The following GRM4 variants were observed in gnomAD, a reference collection of about 807,000 sequenced individuals.
GRM4 encodes the protein metabotropic glutamate receptor 4.
GRM4 carries 28 observed loss-of-function variants against 81.7 expected under a neutral mutation model. The ratio of observed to expected loss-of-function variants is 0.34; its 90% CI spans 0.25 to 0.47. The LOEUF (loss-of-function observed/expected upper bound fraction) is 0.47. Among genes scored for constraint, GRM4 ranks in the 20% least tolerant of loss-of-function variants. The pLI is 1.00. For missense variants in GRM4, 948 were observed against 1,290.0 expected, an observed-to-expected ratio of 0.73 and a Z score of 4.06; for synonymous variants, 488 against 528.8, an observed-to-expected ratio of 0.92 and a Z score of 1.06.
At chr6:34,110,266 C>CCTGGGTGAAA (rs1405029781) in intron 2 of GRM4, among the ~76,000 whole-genome samples, 1 of 143,726 alleles carries the variant, frequency 7.0e-6, no homozygotes, top group South Asian at 2.2e-4. Context: ...TGCACTATAG[C>CCTGGGTGAAA]CTGGGTGAAA....
intron 10 of GRM4, among the ~76,000 whole-genome samples, chr6:34,023,375 A>G (rs1007788326): frequency 6.6e-6 from 1 of 152,244 alleles, no homozygotes; most frequent in African/African-American, 2.4e-5. Context: ...CATGTAAGGA[A>G]TATACATTAA....
upstream of GRM4, among the ~76,000 whole-genome samples, chr6:34,146,980 T>G (rs1246614145): frequency 6.6e-6 from 1 of 151,636 alleles, no homozygotes; most frequent in Non-Finnish European, 1.5e-5. Flanking sequence ...CTCCAGACTA[T>G]GCTAGGCCAA....
chr6:34,044,427 CACAG>C (rs1274285413), intron 6 of GRM4, among the ~76,000 whole-genome samples: 5 of 150,496 alleles, frequency 3.3e-5, no homozygotes, highest in Admixed American at 6.6e-5. Flanking sequence ...CACACATACA[CACAG>C]ACATACATAC....
At chr6:34,129,262 G>A (rs561068986) in intron 2 of GRM4, among the ~76,000 whole-genome samples, 14 of 152,186 alleles carry the variant, frequency 9.2e-5, no homozygotes, top group East Asian at 3.9e-4. Context: ...TGATCCACCC[G>A]CGTTGGCCTC....
chr6:34,071,473 CACAA>C (rs1766840571), intron 3 of GRM4, among the ~76,000 whole-genome samples: 3 of 91,378 alleles, frequency 3.3e-5, no homozygotes, highest in African/African-American at 1.3e-4. Flanking sequence ...AGATACACAC[CACAA>C]ACACACACAC....
chr6:34,095,568 G>C (rs1768474730), intron 2 of GRM4, among the ~76,000 whole-genome samples: 1 of 152,350 alleles, frequency 6.6e-6, no homozygotes, highest in African/African-American at 2.4e-5. Context: ...AAAGCACTCA[G>C]AACAGTGCCT....
intron 1 of GRM4, among the ~76,000 whole-genome samples, chr6:34,144,481 C>A (rs537514969): frequency 6.6e-6 from 1 of 152,326 alleles, no homozygotes; most frequent in East Asian, 1.9e-4. Context: ...GAGAGCCTGA[C>A]CCTGAAGTCC....
At chr6:34,052,144 A>G (rs1282749882) in intron 6 of GRM4, among the ~76,000 whole-genome samples, 2 of 152,116 alleles carry the variant, frequency 1.3e-5, no homozygotes, top group African/African-American at 2.4e-5. Context: ...CCAAGGAATT[A>G]ATGGCCTCTC....
At chr6:34,058,905 A>C (rs1766032934) in intron 5 of GRM4, 69 bp downstream of exon 5, 4 of 1,238,880 alleles carry the variant, frequency 3.2e-6, no homozygotes, top group Non-Finnish European at 4.6e-6. Context: ...AAGGGGAAGG[A>C]AGCCGAGGAG....
chr6:34,131,692 T>G (rs562397773), intron 2 of GRM4, among the ~76,000 whole-genome samples: 3 of 152,224 alleles, frequency 2.0e-5, no homozygotes, highest in African/African-American at 7.2e-5. Context: ...TGCCCCCAAG[T>G]CCTGATGCAT....
intron 3 of GRM4, among the ~76,000 whole-genome samples, chr6:34,085,959 G>A (rs932084191): frequency 3.3e-5 from 5 of 152,288 alleles, no homozygotes; most frequent in African/African-American, 9.6e-5. Flanking sequence ...GGACCAGCCC[G>A]TGCAAAGGCC....
At chr6:34,096,001 G>A (rs1768499502) in intron 2 of GRM4, among the ~76,000 whole-genome samples, 1 of 152,194 alleles carries the variant, frequency 6.6e-6, no homozygotes, top group African/African-American at 2.4e-5. Context: ...CATTCTCTGA[G>A]GAGAATGCTC....
In GRM4 at chr6:34,028,343, C is replaced by T. The variant is rs1452394318; in HGVS notation, c.2466G>A (p.Leu822=). The T allele has an allele frequency of 3.7e-6, 6 of 1,611,476 alleles. No homozygotes were observed. The highest frequency in any genetic ancestry group is 5.1e-6 in the Non-Finnish European group (6 of 1,179,944). The change falls in exon 10 of 11, where the codon CTG becomes CTA. Residue 822 remains leucine (L), a synonymous_variant. Transcript: ENST00000538487. Reference sequence around the variant, plus strand: ...AGGCGCTCAGACTCACCGAGACCGTCAGCGTCGTCGTCTGGATGTACAGCT... The same window carrying T: ...AGGCGCTCAGACTCACCGAGACCGTTAGCGTCGTCGTCTGGATGTACAGCT... ...ADKLYIQTTT[L]TVSVSLSASV... is the part of the protein sequence containing the mutation.
At chr6:34,045,304 G>A (rs1765315646) in intron 6 of GRM4, among the ~76,000 whole-genome samples, 1 of 152,236 alleles carries the variant, frequency 6.6e-6, no homozygotes, top group Non-Finnish European at 1.5e-5. Context: ...CTGCAGCCGT[G>A]GCTCATGCTT....
intron 6 of GRM4, among the ~76,000 whole-genome samples, chr6:34,044,975 C>T (rs1276634908): frequency 2.6e-5 from 4 of 151,844 alleles, no homozygotes; most frequent in Non-Finnish European, 5.9e-5. Flanking sequence ...CACATACACG[C>T]ACACACAGAT....
At chr6:34,049,015 C>A (rs1235589583) in intron 6 of GRM4, among the ~76,000 whole-genome samples, 1 of 152,126 alleles carries the variant, frequency 6.6e-6, no homozygotes, top group Non-Finnish European at 1.5e-5. Context: ...AATACGAGGT[C>A]ATTTCTCCGA....
At chr6:34,072,682 ACAT>A (rs752916539) in intron 3 of GRM4, among the ~76,000 whole-genome samples, 11,157 of 136,014 alleles carry the variant, frequency 0.082, 987 homozygotes, top group African/African-American at 0.21. Flanking sequence ...ACACACACAC[ACAT>A]CACCATACAG....
At position 34,028,316 on chromosome 6, in the gene GRM4, C is replaced by T. The variant is rs775812992; in HGVS notation, c.2493G>A (p.Ser831=). Residue 831 remains serine, a synonymous_variant, in exon 10 of 11, where the codon TCG becomes TCA. Coordinates refer to ENST00000538487, the MANE Select transcript of GRM4 (RefSeq NM_000841.4). ...TLTVSVSLSA[S]VSLGMLYMPK... ...GCATGTAGAGCATTCCCAGGGACAC[C>T]GAGGCGCTCAGACTCACCGAGACCG... The T allele has an allele frequency of 8.7e-6, 14 of 1,613,012 alleles. No individual in the cohort carries two copies. The highest frequency in any genetic ancestry group is 1.7e-4 in the Middle Eastern group (1 of 6,060).
chr6:34,094,851 C>G (rs1295398122), intron 2 of GRM4, among the ~76,000 whole-genome samples: 1 of 152,194 alleles, frequency 6.6e-6, no homozygotes, highest in Non-Finnish European at 1.5e-5. Flanking sequence ...ACAGAGGCCC[C>G]CCCAAGATGA....
Sources: allele counts gnomAD v4.1 joint callset (sites outside exome capture counted in the v4.1 genomes callset), GRCh38; gene constraint gnomAD v4.1.1; transcripts MANE v1.5; gene names NCBI Gene and HGNC (gene_info 2026-07-23, HGNC 2026-07-21).